The following PTPRT variants were observed in gnomAD, a reference collection of about 807,000 sequenced individuals.
The protein encoded by PTPRT is receptor-type tyrosine-protein phosphatase T.
PTPRT carries 56 observed loss-of-function variants against 176.8 expected under a neutral mutation model. The observed-to-expected ratio is 0.32, with a 90% CI of 0.26 to 0.40. PTPRT has a LOEUF of 0.40. PTPRT is among the 10% of genes least tolerant of loss of function. PTPRT has a pLI of 1.00. For synonymous variants in PTPRT, 783 were observed against 739.0 expected (o/e 1.06, Z -0.96); for missense variants, 1,540 against 1,908.2 (o/e 0.81, Z 3.60).
At chr20:43,001,087 G>A (rs1246737720) in intron 1 of PTPRT, among the ~76,000 whole-genome samples, 1 of 151,978 alleles carries the variant, frequency 6.6e-6, no homozygotes, top group African/African-American at 2.4e-5. Flanking sequence ...TCATATAAAG[G>A]GTGAAAAAGG....
chr20:42,692,900 G>C (rs2075814046), intron 6 of PTPRT, among the ~76,000 whole-genome samples: 1 of 152,114 alleles, frequency 6.6e-6, no homozygotes, highest in Admixed American at 6.5e-5. Context: ...GACCTCTAGG[G>C]GAAGGAGTAG....
At chr20:42,355,374 T>C (rs891220511) in intron 9 of PTPRT, among the ~76,000 whole-genome samples, 3 of 152,186 alleles carry the variant, frequency 2.0e-5, no homozygotes, top group Admixed American at 6.5e-5. Flanking sequence ...GGCAAACTGC[T>C]CATATTCAAA....
intron 1 of PTPRT, among the ~76,000 whole-genome samples, chr20:43,036,230 G>A (rs968627385): frequency 3.9e-5 from 6 of 152,172 alleles, no homozygotes; most frequent in African/African-American, 1.4e-4. Context: ...TTTCCTCACT[G>A]TGTATCCTGG....
At chr20:42,171,184 A>G (rs918473608) in intron 16 of PTPRT, among the ~76,000 whole-genome samples, 2 of 152,172 alleles carry the variant, frequency 1.3e-5, no homozygotes, top group Non-Finnish European at 2.9e-5. Flanking sequence ...ATTCTTTTCC[A>G]GAGGGTTGGG....
intron 17 of PTPRT, among the ~76,000 whole-genome samples, chr20:42,151,622 C>T (rs1429030746): frequency 6.6e-6 from 1 of 152,138 alleles, no homozygotes; most frequent in East Asian, 1.9e-4. Flanking sequence ...GTGCATATGT[C>T]TTTATAGTAG....
intron 7 of PTPRT, among the ~76,000 whole-genome samples, chr20:42,496,520 A>G (rs1325567134): frequency 6.6e-6 from 1 of 152,080 alleles, no homozygotes; most frequent in East Asian, 1.9e-4. Context: ...TTCTGGCACC[A>G]GTTCAGAAGA....
intron 7 of PTPRT, among the ~76,000 whole-genome samples, chr20:42,611,908 C>CA (rs1189802418): frequency 6.6e-6 from 1 of 152,168 alleles, no homozygotes; most frequent in African/African-American, 2.4e-5. Flanking sequence ...CCTGGTCCAT[C>CA]AATGGCTTCA....
chr20:42,852,947 T>A (rs2078501321), intron 2 of PTPRT, among the ~76,000 whole-genome samples: 1 of 151,838 alleles, frequency 6.6e-6, no homozygotes, highest in African/African-American at 2.4e-5. Context: ...ACTTGAGGAG[T>A]CAAAGATGGT....
intron 11 of PTPRT, among the ~76,000 whole-genome samples, chr20:42,343,032 C>A (rs928294857): frequency 6.6e-6 from 1 of 152,166 alleles, no homozygotes; most frequent in African/African-American, 2.4e-5. Context: ...AGGGTTCCAT[C>A]TTTCATACCC....
intron 7 of PTPRT, among the ~76,000 whole-genome samples, chr20:42,565,048 T>C (rs918520409): frequency 1.3e-5 from 2 of 152,110 alleles, no homozygotes; most frequent in African/African-American, 4.8e-5. Flanking sequence ...TAAATCAAGC[T>C]GCAATTAGTG....
chr20:42,582,198 T>G (rs557794653), intron 7 of PTPRT, among the ~76,000 whole-genome samples: 1 of 152,288 alleles, frequency 6.6e-6, no homozygotes, highest in Admixed American at 6.5e-5. Context: ...AGCACCTGTC[T>G]TGGTCTTGTC....
At chr20:43,099,628 C>T (rs919028336) in intron 1 of PTPRT, among the ~76,000 whole-genome samples, 11 of 152,160 alleles carry the variant, frequency 7.2e-5, no homozygotes, top group Non-Finnish European at 1.3e-4. Flanking sequence ...ACAAATGGCA[C>T]GTCCCAGCCC....
At chr20:43,012,845 T>C (rs1985195417) in intron 1 of PTPRT, among the ~76,000 whole-genome samples, 1 of 152,076 alleles carries the variant, frequency 6.6e-6, no homozygotes, top group African/African-American at 2.4e-5. Context: ...AAATATCTCT[T>C]GCCTCCAGGT....
At chr20:42,555,627 T>TA (rs1386284235) in intron 7 of PTPRT, among the ~76,000 whole-genome samples, 6 of 152,154 alleles carry the variant, frequency 3.9e-5, no homozygotes, top group Non-Finnish European at 7.4e-5. Flanking sequence ...TAACTTATAG[T>TA]CCTTCCCCGC....
chr20:42,125,907 T>A (rs1987830722), intron 19 of PTPRT, among the ~76,000 whole-genome samples: 1 of 151,500 alleles, frequency 6.6e-6, no homozygotes, highest in Non-Finnish European at 1.5e-5. Flanking sequence ...GTCCTTAGGG[T>A]CATATCCATG....
chr20:42,596,645 A>T (rs1440583931), intron 7 of PTPRT, among the ~76,000 whole-genome samples: 1 of 152,262 alleles, frequency 6.6e-6, no homozygotes, highest in African/African-American at 2.4e-5. Context: ...AACTCTCACA[A>T]ATCAGTAAGA....
chr20:42,781,623 G>A (rs887044147), intron 3 of PTPRT, among the ~76,000 whole-genome samples: 8 of 152,024 alleles, frequency 5.3e-5, no homozygotes, highest in Non-Finnish European at 1.2e-4. Flanking sequence ...TCAGCAGCAG[G>A]TTTTCTCTAA....
intron 7 of PTPRT, among the ~76,000 whole-genome samples, chr20:42,541,838 A>T (rs1050941348): frequency 2.0e-5 from 3 of 146,776 alleles, no homozygotes; most frequent in Non-Finnish European, 4.4e-5. Flanking sequence ...TTTTAAATTT[A>T]AAATTAAAAT....
At chr20:42,359,071 CT>C (rs1302783358) in intron 9 of PTPRT, among the ~76,000 whole-genome samples, 1 of 152,186 alleles carries the variant, frequency 6.6e-6, no homozygotes, top group Non-Finnish European at 1.5e-5. Context: ...CACCTGGGAG[CT>C]TGTTAGAGCT....
Sources: allele counts gnomAD v4.1 joint callset (sites outside exome capture counted in the v4.1 genomes callset), GRCh38; gene constraint gnomAD v4.1.1; transcripts MANE v1.5; gene names NCBI Gene and HGNC (gene_info 2026-07-23, HGNC 2026-07-21).